Variants in ANXA1 observed in about 807,000 individuals in gnomAD.
The protein encoded by ANXA1 is annexin A1.
ANXA1 carries 39 observed loss-of-function variants against 47.9 expected under a neutral mutation model. The observed-to-expected ratio is 0.81, with a 90% CI of 0.63 to 1.06. The LOEUF is 1.06. Ranked by LOEUF, ANXA1 falls within the 50% of genes least tolerant of loss-of-function variation. The probability of loss-of-function intolerance (pLI) is 0.00; values close to 1 mark genes in which losing one functional copy is unlikely to be tolerated. For missense variants in ANXA1, 446 were observed against 422.7 expected, an observed-to-expected ratio of 1.06 and a Z score of -0.48; for synonymous variants, 146 against 142.5, an observed-to-expected ratio of 1.02 and a Z score of -0.17.
intron 4 of ANXA1, 129 bp from the exon 5 acceptor site, chr9:73,160,134 G>A: frequency 1.9e-6 from 1 of 537,696 alleles, no homozygotes; most frequent in Non-Finnish European, 3.2e-6. Context: ...GTATGTGAAG[G>A]GAAGAAGCTC....
intron 1 of ANXA1, among the ~76,000 whole-genome samples, chr9:73,152,918 C>G (rs1186937195): frequency 6.6e-6 from 1 of 152,040 alleles, no homozygotes; most frequent in Non-Finnish European, 1.5e-5. Context: ...TCACTGCTAG[C>G]TAATTAACAA....
Position 73,159,330 on chromosome 9 carries a change from T to C in ANXA1, c.177T>C (p.Gly59=), listed in dbSNP as rs942270992. The C allele has an allele frequency of 6.2e-7, 1 of 1,612,954 alleles. No homozygotes were observed. The highest frequency in any genetic ancestry group is 1.3e-5 in the African/African-American group (1 of 74,982). ...AGGCTGTTGGCCCTTTATTTCCAGG[T>C]GTGGATGAAGCAACCATCATTGACA... The part of the protein sequence containing the change: ...AALHKAIMVK[G]VDEATIIDIL... The change falls in exon 4 of 13, where the codon GGT becomes GGC. Residue 59 remains glycine (G), a splice_region_variant and synonymous_variant. Coordinates refer to ENST00000257497, the MANE Select transcript of ANXA1 (RefSeq NM_000700.3).
Position 73,170,196 on chromosome 9 carries a change from AG to A in ANXA1, c.*91del. The A allele has an allele frequency of 9.1e-7, 1 of 1,099,256 alleles. No individual in the cohort carries two copies. Among genetic ancestry groups the A allele is most frequent in the Non-Finnish European group, 1.3e-6 (1 of 764,930 alleles). The allele number at this position is 1,099,256 out of a possible 1,614,324, so 68.1% of individuals were successfully genotyped here. A position where few individuals can be genotyped will look rare whatever the true frequency, so the allele number is the denominator to read the frequency against. On this transcript the variant is annotated 3_prime_UTR_variant, in exon 13 of 13. Transcript: ENST00000257497. ...GCTTAAATAGGAAAGTTTCTTCAAC[AG>A]GATTACAGTGTAGCTACCTACATGC...
chr9:73,154,197 G>A (rs921620413), intron 1 of ANXA1: 31 of 696,628 alleles, frequency 4.5e-5, no homozygotes, highest in Middle Eastern at 3.0e-4. Context: ...TCTCTCACCA[G>A]GGAAGGTGTG....
At chr9:73,160,400 C>T (rs1563962273) in intron 5 of ANXA1, 24 bp downstream of exon 5, 4 of 1,497,864 alleles carry the variant, frequency 2.7e-6, no homozygotes, top group Non-Finnish European at 3.6e-6. Context: ...TTTGAGCAAA[C>T]TCCTTTCCTC....
At chr9:73,153,518 A>G (rs552458325) in intron 1 of ANXA1, among the ~76,000 whole-genome samples, 4 of 152,342 alleles carry the variant, frequency 2.6e-5, no homozygotes, top group African/African-American at 9.6e-5. Context: ...TTGGCACTTC[A>G]GAGCTGTAAA....
intron 8 of ANXA1, 109 bp from the exon 9 acceptor site, chr9:73,165,007 G>A (rs1824202921): frequency 1.3e-6 from 1 of 774,574 alleles, no homozygotes; most frequent in East Asian, 2.8e-5. Flanking sequence ...TACTCTGATT[G>A]TATTGGGCAC....
rs760736105 is a variant in ANXA1, at chr9:73,170,123, T to A, written c.*16T>A. On this transcript the variant is annotated 3_prime_UTR_variant, in exon 13 of 13. Coordinates refer to ENST00000257497, the MANE Select transcript of ANXA1 (RefSeq NM_000700.3). ...AGGAAACTAAACATTCCCTTGATGG[T>A]CTCAAGCTATGATCAGAAGACTTTA... is the stretch of plus-strand genomic sequence containing the variant. 2 of 1,595,064 alleles carry A rather than the reference T, an allele frequency of 1.3e-6. No homozygotes were observed. Among genetic ancestry groups the A allele is most frequent in the South Asian group, 2.3e-5 (2 of 87,992 alleles).
At chr9:73,158,223 C>T (rs1191936407) in intron 1 of ANXA1, 1 of 305,358 alleles carries the variant, frequency 3.3e-6, no homozygotes, top group East Asian at 7.3e-5. Context: ...ACCACAAACT[C>T]CTCTCTTCAG....
intron 9 of ANXA1, chr9:73,165,536 A>AC (rs1242163821): frequency 5.9e-6 from 1 of 168,714 alleles, no homozygotes; most frequent in Non-Finnish European, 1.2e-5. Flanking sequence ...GAAAAACAAA[A>AC]AAAAAAAAAC....
intron 4 of ANXA1, chr9:73,159,931 T>C (rs774260112): frequency 7.0e-5 from 12 of 172,594 alleles, no homozygotes; most frequent in Non-Finnish European, 1.2e-4. Context: ...GAATATATTA[T>C]TTTAAAAGTA....
intron 11 of ANXA1, 91 bp downstream of exon 11, chr9:73,167,646 T>A: frequency 8.6e-7 from 1 of 1,156,802 alleles, no homozygotes; most frequent in South Asian, 1.4e-5. Flanking sequence ...AATCTCACAT[T>A]TAATATCTTC....
chr9:73,160,682 TGTTGTGGGTGA>T (rs1200461148), intron 5 of ANXA1, 110 bp from the exon 6 acceptor site: 81 of 701,722 alleles, frequency 1.2e-4, no homozygotes, highest in Non-Finnish European at 1.8e-4. Flanking sequence ...AATTATTAAA[TGTTGTGGGTGA>T]AATTTACTAA....
intron 9 of ANXA1, chr9:73,165,437 T>C (rs1416337521): frequency 5.4e-6 from 2 of 369,706 alleles, no homozygotes; most frequent in Non-Finnish European, 9.8e-6. Flanking sequence ...AACATAATTT[T>C]GTTATTTTCA....
At chr9:73,168,946 A>G (rs1824278649) in intron 11 of ANXA1, 86 bp from the exon 12 acceptor site, 17 of 1,304,106 alleles carry the variant, frequency 1.3e-5, no homozygotes, top group Non-Finnish European at 1.8e-5. Context: ...TATATGGAAG[A>G]GTAAGAAGGC....
chr9:73,154,397 C>T, intron 1 of ANXA1: 1 of 1,289,188 alleles, frequency 7.8e-7, no homozygotes, highest in Non-Finnish European at 1.0e-6. Context: ...CACTAATTCC[C>T]TCCCTCCCTT....
intron 4 of ANXA1, 100 bp downstream of exon 4, chr9:73,159,523 C>G: frequency 1.1e-6 from 1 of 925,586 alleles, no homozygotes; most frequent in South Asian, 1.6e-5. Context: ...GTTCTAACCA[C>G]TGTTTTCTCA....
intron 8 of ANXA1, among the ~76,000 whole-genome samples, chr9:73,164,824 G>C (rs1824199943): frequency 6.6e-6 from 1 of 152,110 alleles, no homozygotes; most frequent in Admixed American, 6.6e-5. Context: ...TCCCCTTGGA[G>C]TTGTCTTACT....
chr9:73,166,373 A>G (rs570694220), intron 10 of ANXA1, among the ~76,000 whole-genome samples, 181 bp downstream of exon 10: 11 of 152,162 alleles, frequency 7.2e-5, no homozygotes, highest in Non-Finnish European at 1.6e-4. Flanking sequence ...AACCTTAATA[A>G]CAATAGATAT....
Sources: gnomAD v4.1 joint callset for allele counts (sites outside exome capture counted in the v4.1 genomes callset) on GRCh38, gnomAD v4.1.1 for gene constraint, MANE v1.5 for transcripts, NCBI Gene and HGNC (gene_info 2026-07-23, HGNC 2026-07-21) for gene names.